RELA: variants seen among roughly 807,000 people sequenced by gnomAD.
The protein encoded by RELA is transcription factor p65.
In RELA, 14 loss-of-function variants were observed where a neutral mutation model predicts 56.7. That is an observed-to-expected ratio of 0.25 (90% CI 0.16 to 0.39). RELA has a LOEUF of 0.39. Ranked by LOEUF, RELA falls within the 10% of genes least tolerant of loss-of-function variation. The pLI is 1.00. For synonymous variants in RELA, 315 were observed against 289.7 expected (o/e 1.09, Z -0.89); for missense variants, 559 against 736.4 (o/e 0.76, Z 2.79).
Position 65,662,899 on chromosome 11 carries a change from T to G in RELA, c.-67A>C. 4 of 1,159,974 alleles carry G rather than the reference T, an allele frequency of 3.4e-6. No homozygotes were observed. The highest frequency in any genetic ancestry group is 4.3e-6 in the Non-Finnish European group (4 of 936,824). The allele number at this position is 1,159,974 out of a possible 1,614,324, so 71.9% of individuals were successfully genotyped here. A position where few individuals can be genotyped will look rare whatever the true frequency, so the allele number is the denominator to read the frequency against. ...CGCGGCGTGCACTACAGACGAGCCATTCGCCAGAGGCGGAAATGCGCCGCG... is the reference window on the plus strand; with the variant it reads ...CGCGGCGTGCACTACAGACGAGCCAGTCGCCAGAGGCGGAAATGCGCCGCG... On this transcript the variant is annotated 5_prime_UTR_variant, in exon 1 of 11. It removes an upstream start codon present in the reference 5' UTR. Transcript: ENST00000406246.
At position 65,653,968 on chromosome 11, in the gene RELA, A is replaced by T; in HGVS notation, c.*410T>A. 1 of 282,186 alleles carries T rather than the reference A, an allele frequency of 3.5e-6. No individual in the cohort carries two copies. The highest frequency in any genetic ancestry group is 6.9e-6 in the Non-Finnish European group (1 of 145,336). The allele number at this position is 282,186 out of a possible 1,614,324, so 17.5% of individuals were successfully genotyped here. On this transcript the variant is annotated 3_prime_UTR_variant, in exon 11 of 11. Transcript: ENST00000406246. ...TGGTATCTGGGGCGTTATTTTGATT[A>T]AGCTGTAATGAATCCATGATGGAAG... is the stretch of plus-strand genomic sequence containing the variant.
In RELA at chr11:65,654,958, T is replaced by G; in HGVS notation, c.1076A>C (p.Asn359Thr). 1 of 1,605,050 alleles carries G rather than the reference T, an allele frequency of 6.2e-7. No homozygotes were observed. Among genetic ancestry groups the G allele is most frequent in the Non-Finnish European group, 8.5e-7 (1 of 1,176,456 alleles). The change falls in exon 11 of 11, where the codon AAC becomes ACC. Residue 359 changes from asparagine to threonine, a missense_variant. By Grantham distance (65) the Asn-to-Thr change is moderately conservative. Coordinates refer to ENST00000406246, the MANE Select transcript of RELA (RefSeq NM_021975.4). ...YPFTSSLSTI[N>T]YDEFPTMVFP... ...CACCATGGTGGGAAACTCATCATAGTTGATGGTGCTCAGGGATGACGTAAA... is the reference window on the plus strand; with the variant it reads ...CACCATGGTGGGAAACTCATCATAGGTGATGGTGCTCAGGGATGACGTAAA...
At chr11:65,661,084 A>C (rs1200432203) in intron 4 of RELA, among the ~76,000 whole-genome samples, 1 of 149,568 alleles carries the variant, frequency 6.7e-6, no homozygotes, top group East Asian at 1.9e-4. Context: ...CCTGCCACCC[A>C]AGTGCAGTGG....
chr11:65,662,490 C>T, intron 1 of RELA: 1 of 476,280 alleles, frequency 2.1e-6, no homozygotes, highest in Admixed American at 3.9e-5. Context: ...CCCCACCTCC[C>T]TCCAGAGAGG....
At chr11:65,657,533 C>T (rs911424036) in intron 8 of RELA, among the ~76,000 whole-genome samples, 20 of 152,224 alleles carry the variant, frequency 1.3e-4, no homozygotes. Flanking sequence ...CACTGCCCAA[C>T]ATCAGCTCAA....
At position 65,662,838 on chromosome 11, in the gene RELA, G is replaced by A. The variant is rs1452785064; in HGVS notation, c.-6C>T. On this transcript the variant is annotated 5_prime_UTR_variant, in exon 1 of 11. Transcript: ENST00000406246. ...AGGGCGACCTCACCGTCCATGGCCG[G>A]GGTCCCGGGGGCGGGGCCGGGGTCG... 22 of 1,198,038 alleles carry A rather than the reference G, an allele frequency of 1.8e-5. No individual in the cohort carries two copies. Among genetic ancestry groups the A allele is most frequent in the Non-Finnish European group, 2.3e-5 (22 of 966,128 alleles). The allele number at this position is 1,198,038 out of a possible 1,614,324, so 74.2% of individuals were successfully genotyped here.
intron 4 of RELA, among the ~76,000 whole-genome samples, chr11:65,661,037 T>TAAAAAA (rs34431664): frequency 9.2e-6 from 1 of 109,262 alleles, no homozygotes; most frequent in African/African-American, 3.6e-5. Context: ...GACTCTTTCT[T>TAAAAAA]AAAAAAAAAA....
chr11:65,654,786 G>T lies in RELA; in HGVS notation c.1248C>A (p.Gly416=). The part of the protein sequence containing the change: ...APAPVPVLAP[G]PPQAVAPPAP... ...CAGGTGGGGCCACAGCCTGAGGAGG[G>T]CCTGGGGCTAGGACTGGGACAGGGG... The change falls in exon 11 of 11, where the codon GGC becomes GGA. Residue 416 remains glycine, a synonymous_variant. Transcript: ENST00000406246. 2.0e-6 allele frequency: 3 copies of T among 1,514,854 alleles called. No individual in the cohort carries two copies. Among genetic ancestry groups the T allele is most frequent in the Non-Finnish European group, 1.8e-6 (2 of 1,129,188 alleles). The allele number at this position is 1,514,854 out of a possible 1,614,324, so 93.8% of individuals were successfully genotyped here. A position where few individuals can be genotyped will look rare whatever the true frequency, so the allele number is the denominator to read the frequency against.
At chr11:65,662,706 C>T (rs920147990) in intron 1 of RELA, 120 bp downstream of exon 1, 18 of 818,520 alleles carry the variant, frequency 2.2e-5, no homozygotes, top group Non-Finnish European at 2.7e-5. Flanking sequence ...TCCGGCAGGC[C>T]GACCGCTCCC....
Position 65,654,618 on chromosome 11 carries a change from G to A in RELA, c.1416C>T (p.Ser472=), listed in dbSNP as rs150493312. Residue 472 remains serine (S), a synonymous_variant, in exon 11 of 11, where the codon TCC becomes TCT. Coordinates refer to ENST00000406246, the MANE Select transcript of RELA (RefSeq NM_021975.4). ...VFTDLASVDN[S]EFQQLLNQGI... is the part of the protein sequence containing the mutation. Reference sequence around the variant, plus strand: ...CCTGGTTCAGCAGCTGCTGAAACTCGGAGTTGTCGACGGATGCCAGGTCTG... The same window carrying A: ...CCTGGTTCAGCAGCTGCTGAAACTCAGAGTTGTCGACGGATGCCAGGTCTG... The A allele has an allele frequency of 2.2e-5, 35 of 1,609,724 alleles. No individual in the cohort carries two copies. The East Asian group carries it at 2.7e-4, about 12-fold the overall frequency.
In RELA at chr11:65,654,407, A is replaced by C. The variant is rs1856362928; in HGVS notation, c.1627T>G (p.Ser543Ala). 6.2e-7 allele frequency: 1 copy of C among 1,612,656 alleles called. No individual in the cohort carries two copies. Among genetic ancestry groups the C allele is most frequent in the Non-Finnish European group, 8.5e-7 (1 of 1,179,410 alleles). Residue 543 changes from serine to alanine, a missense_variant, in exon 11 of 11, where the codon TCA (serine) becomes GCA (alanine). Physicochemically the swap from Ser to Ala is moderately conservative, Grantham distance 99. This residue lies in a region of RELA where 365 missense variants were observed against 387.5 expected (regional missense o/e 0.94). Coordinates refer to ENST00000406246, the MANE Select transcript of RELA (RefSeq NM_021975.4). ...DFSSIADMDFSALLSQISS is the reference protein window; with the variant it reads ...DFSSIADMDFAALLSQISS ...GAGCTGATCTGACTCAGCAGGGCTG[A>C]GAAGTCCATGTCCGCAATGGAGGAG...
At position 65,658,278 on chromosome 11, in the gene RELA, G is replaced by GC; in HGVS notation, c.877+8dup. On this transcript the variant is annotated intron_variant, in intron 8 of 10. Transcript: ENST00000406246. This position sits in a 1 kb window ranked among gnomAD's most constrained non-coding sequence, Gnocchi z 4.5. ...CAGCTGCCCTGATGCTGCCACCCCA[G>GC]CTGTGTACCTGTATCTGGCAGGTAC... 1.3e-6 allele frequency: 2 copies of GC among 1,575,202 alleles called. No individual in the cohort carries two copies. The highest frequency in any genetic ancestry group is 1.7e-6 in the Non-Finnish European group (2 of 1,159,606).
In RELA at chr11:65,654,254, C is replaced by A. The variant is rs548308619; in HGVS notation, c.*124G>T. ...TAAAAGAATAAAATATGGCTCCCCC[C>A]TCCAAGGAAGACATCCACAAAGTTG... On this transcript the variant is annotated 3_prime_UTR_variant, in exon 11 of 11. Coordinates refer to ENST00000406246, the MANE Select transcript of RELA (RefSeq NM_021975.4). 8.3e-7 allele frequency: 1 copy of A among 1,203,822 alleles called. No individual in the cohort carries two copies. The highest frequency in any genetic ancestry group is 1.2e-6 in the Non-Finnish European group (1 of 823,532). 74.6% of individuals were successfully genotyped at this position (1,203,822 alleles called of 1,614,324 possible).
At chr11:65,662,262 G>A (rs1030197070) in intron 1 of RELA, 57 bp from the exon 2 acceptor site, 2 of 1,483,424 alleles carry the variant, frequency 1.3e-6, no homozygotes, top group South Asian at 2.8e-5. Context: ...CTCACAAGGA[G>A]GAATCTGCTC....
intron 4 of RELA, 132 bp downstream of exon 4, chr11:65,661,555 T>G: frequency 1.3e-6 from 1 of 784,042 alleles, no homozygotes; most frequent in Non-Finnish European, 2.0e-6. Flanking sequence ...GGCAGTTTAC[T>G]TGCAGAGCTG....
chr11:65,656,763 G>A (rs572085433), intron 8 of RELA, among the ~76,000 whole-genome samples: 1 of 152,294 alleles, frequency 6.6e-6, no homozygotes, highest in Admixed American at 6.5e-5. Context: ...GGTGGCTCAC[G>A]CCTGTAATCC....
intron 3 of RELA, 23 bp from the exon 4 acceptor site, chr11:65,661,858 G>A: frequency 6.2e-7 from 1 of 1,603,390 alleles, no homozygotes; most frequent in East Asian, 2.2e-5. Flanking sequence ...CAGAGGCCCA[G>A]ACATCCAAAC....
rs375929528 is a variant in RELA, at chr11:65,655,756, G to A, written c.965C>T (p.Thr322Ile). The change falls in exon 10 of 11, where the codon ACC (threonine) becomes ATC (isoleucine). Residue 322 changes from threonine to isoleucine, a missense_variant. This residue lies in a region of RELA where 365 missense variants were observed against 387.5 expected (regional missense o/e 0.94). Coordinates refer to ENST00000406246, the MANE Select transcript of RELA (RefSeq NM_021975.4). ...GCGTCGAGGTGGAGGCCGGGGGTCGGTGGGTCCTGTAGGGCAAGGGCTAGG... is the reference window on the plus strand; with the variant it reads ...GCGTCGAGGTGGAGGCCGGGGGTCGATGGGTCCTGTAGGGCAAGGGCTAGG... ...IMKKSPFSGP[T>I]DPRPPPRRIA... 3.2e-5 allele frequency: 51 copies of A among 1,613,908 alleles called. No homozygotes were observed. Among genetic ancestry groups the A allele is most frequent in the Middle Eastern group, 1.6e-4 (1 of 6,084 alleles).
rs1326268854 is a variant in RELA at position 65,658,790 on chromosome 11, G to T, written c.592C>A (p.Arg198=). 9 of 1,613,884 alleles carry T rather than the reference G, an allele frequency of 5.6e-6. No individual in the cohort carries two copies. Among genetic ancestry groups the T allele is most frequent in the Non-Finnish European group, 7.6e-6 (9 of 1,179,962 alleles). The part of the protein sequence containing the change: ...APNTAELKIC[R]VNRNSGSCLG... Reference sequence around the variant, plus strand: ...CAGCTGCCAGAGTTTCGGTTCACTCGGCAGATCTTGAGCTCGGCAGTGTTG... The same window carrying T: ...CAGCTGCCAGAGTTTCGGTTCACTCTGCAGATCTTGAGCTCGGCAGTGTTG... The change falls in exon 7 of 11, where the codon CGA becomes AGA. Residue 198 remains arginine, a synonymous_variant. Coordinates refer to ENST00000406246, the MANE Select transcript of RELA (RefSeq NM_021975.4). This position sits in a 1 kb window ranked among gnomAD's most constrained non-coding sequence, Gnocchi z 4.5.
Sources: allele counts gnomAD v4.1 joint callset (sites outside exome capture counted in the v4.1 genomes callset), GRCh38; gene constraint gnomAD v4.1.1; regional missense constraint gnomAD v4.1.1; non-coding constraint Gnocchi (gnomAD v3.1); transcripts MANE v1.5; gene names NCBI Gene and HGNC (gene_info 2026-07-23, HGNC 2026-07-21).